MAP4K3: variants seen among roughly 807,000 people sequenced by gnomAD.
The protein encoded by MAP4K3 is mitogen-activated protein kinase kinase kinase kinase 3, also known as MAPK/ERK kinase kinase kinase 3.
A neutral mutation model predicts 143.5 loss-of-function variants in MAP4K3; 94 were observed. The observed-to-expected ratio is 0.65, with a 90% CI of 0.55 to 0.78. The LOEUF is 0.78. Ranked by LOEUF, MAP4K3 falls within the 30% of genes least tolerant of loss-of-function variation. MAP4K3 has a pLI of 0.00. For synonymous variants in MAP4K3, 416 were observed against 347.2 expected (o/e 1.20, Z -2.20); for missense variants, 1,077 against 1,068.1 (o/e 1.01, Z -0.12).
chr2:39,363,020 C>T (rs1215175258), intron 2 of MAP4K3, among the ~76,000 whole-genome samples: 1 of 152,090 alleles, frequency 6.6e-6, no homozygotes, highest in Non-Finnish European at 1.5e-5. Flanking sequence ...GGACGTTATC[C>T]TACATACACA....
At chr2:39,354,402 C>T (rs1014362065) in intron 3 of MAP4K3, among the ~76,000 whole-genome samples, 3 of 152,060 alleles carry the variant, frequency 2.0e-5, no homozygotes, top group Non-Finnish European at 4.4e-5. Flanking sequence ...GAGATCGCGC[C>T]ACTGCACTCC....
intron 1 of MAP4K3, among the ~76,000 whole-genome samples, chr2:39,403,571 C>T (rs1264141274): frequency 6.6e-6 from 1 of 152,006 alleles, no homozygotes; most frequent in Non-Finnish European, 1.5e-5. Context: ...AGTGCCTGTC[C>T]CAACAGTCAG....
intron 2 of MAP4K3, among the ~76,000 whole-genome samples, chr2:39,367,399 G>A (rs1665951782): frequency 6.6e-6 from 1 of 151,880 alleles, no homozygotes; most frequent in Non-Finnish European, 1.5e-5. Flanking sequence ...AATAAGCTGG[G>A]TATGGTGGTG....
intron 2 of MAP4K3, among the ~76,000 whole-genome samples, chr2:39,368,613 G>T (rs1665990554): frequency 6.6e-6 from 1 of 151,852 alleles, no homozygotes; most frequent in East Asian, 1.9e-4. Context: ...GGGCTGCAGT[G>T]AGCTATGATC....
At chr2:39,420,763 T>C (rs762740497) in intron 1 of MAP4K3, among the ~76,000 whole-genome samples, 1 of 152,126 alleles carries the variant, frequency 6.6e-6, no homozygotes, top group Non-Finnish European at 1.5e-5. Flanking sequence ...AGAGCTATTA[T>C]TCCTTTGAAA....
intron 3 of MAP4K3, among the ~76,000 whole-genome samples, chr2:39,345,584 A>G (rs1162054555): frequency 5.9e-5 from 9 of 152,260 alleles, no homozygotes; most frequent in Non-Finnish European, 1.3e-4. Flanking sequence ...AACCAACTTA[A>G]GAGTATGAAG....
chr2:39,316,769 G>A (rs1474598427), intron 12 of MAP4K3, among the ~76,000 whole-genome samples: 3 of 152,022 alleles, frequency 2.0e-5, no homozygotes, highest in Non-Finnish European at 1.5e-5. Flanking sequence ...CTAGAATTTC[G>A]AATAAGCAGA....
At chr2:39,280,391 G>T in intron 22 of MAP4K3, 35 bp from the exon 23 acceptor site, 3 of 1,251,588 alleles carry the variant, frequency 2.4e-6, no homozygotes, top group South Asian at 2.6e-5. Context: ...ATGAAACAGT[G>T]ACAAGTAACA....
chr2:39,422,521 T>C (rs529758066), intron 1 of MAP4K3, among the ~76,000 whole-genome samples: 13 of 152,056 alleles, frequency 8.5e-5, no homozygotes, highest in Admixed American at 7.9e-4. Context: ...ACTGAGAAAA[T>C]AAATTTCCAC....
chr2:39,366,109 T>C (rs903543758), intron 2 of MAP4K3, among the ~76,000 whole-genome samples: 2 of 152,162 alleles, frequency 1.3e-5, no homozygotes, highest in Non-Finnish European at 2.9e-5. Flanking sequence ...GAGTGACCAA[T>C]GGCCCATGAA....
chr2:39,354,673 CA>C (rs138082520), intron 3 of MAP4K3, among the ~76,000 whole-genome samples: 8,161 of 143,084 alleles, frequency 0.057, 387 homozygotes, highest in African/African-American at 0.13. Flanking sequence ...AACAAACAAA[CA>C]AAAAAAAAAC....
At chr2:39,350,044 A>G (rs72927108) in intron 3 of MAP4K3, among the ~76,000 whole-genome samples, 11,482 of 152,184 alleles carry the variant, frequency 0.075, 1,459 homozygotes, top group African/African-American at 0.26. Context: ...TGTCACAACT[A>G]GGGGAAAGGG....
intron 1 of MAP4K3, among the ~76,000 whole-genome samples, chr2:39,388,216 G>T (rs1411897528): frequency 1.3e-5 from 2 of 152,144 alleles, no homozygotes; most frequent in African/African-American, 4.8e-5. Flanking sequence ...AATAGCAGCA[G>T]CATTTCTAGC....
intron 1 of MAP4K3, among the ~76,000 whole-genome samples, chr2:39,435,579 T>C (rs1427488642): frequency 6.6e-6 from 1 of 152,234 alleles, no homozygotes; most frequent in East Asian, 1.9e-4. Context: ...CATGCTCTCA[T>C]AACCCTGATC....
intron 15 of MAP4K3, among the ~76,000 whole-genome samples, chr2:39,302,154 A>T (rs1365194397): frequency 6.6e-6 from 1 of 152,240 alleles, no homozygotes; most frequent in East Asian, 1.9e-4. Context: ...GCATAGGCTC[A>T]TATAGAGAAT....
chr2:39,299,066 T>C (rs1682403959), intron 16 of MAP4K3, among the ~76,000 whole-genome samples: 1 of 152,024 alleles, frequency 6.6e-6, no homozygotes, highest in Non-Finnish European at 1.5e-5. Flanking sequence ...CCCTTATAAA[T>C]TAGTTTTTAT....
At chr2:39,259,430 AC>A (rs1465790874) in intron 29 of MAP4K3, among the ~76,000 whole-genome samples, 2 of 152,046 alleles carry the variant, frequency 1.3e-5, no homozygotes, top group Non-Finnish European at 2.9e-5. Context: ...TCTTACCAAT[AC>A]CCCTAGTGAA....
chr2:39,407,297 G>T (rs1347678898), intron 1 of MAP4K3, among the ~76,000 whole-genome samples: 1 of 150,226 alleles, frequency 6.7e-6, no homozygotes, highest in East Asian at 2.0e-4. Context: ...ATCTTCCTAA[G>T]AGCAGGAACA....
chr2:39,317,866 G>A (rs529928562), intron 12 of MAP4K3, among the ~76,000 whole-genome samples: 22 of 152,128 alleles, frequency 1.4e-4, no homozygotes, highest in Admixed American at 1.2e-3. Context: ...AAAGAACTTA[G>A]AACAACCATT....
Sources: allele counts gnomAD v4.1 joint callset (sites outside exome capture counted in the v4.1 genomes callset), GRCh38; gene constraint gnomAD v4.1.1; transcripts MANE v1.5; gene names NCBI Gene and HGNC (gene_info 2026-07-23, HGNC 2026-07-21).